ATP6V0A2: variants seen among roughly 807,000 people sequenced by gnomAD.
The protein encoded by ATP6V0A2 is V-type proton ATPase 116 kDa subunit a 2.
Under a neutral mutation model 104.4 loss-of-function variants are expected in ATP6V0A2, and 58 were observed. The ratio of observed to expected loss-of-function variants is 0.56; its 90% CI spans 0.45 to 0.69. The LOEUF (loss-of-function observed/expected upper bound fraction) is 0.69, where lower values mean the gene tolerates loss of function less well. Among genes scored for constraint, ATP6V0A2 ranks in the 30% least tolerant of loss-of-function variants. The pLI is 0.00. For synonymous variants in ATP6V0A2, 376 were observed against 397.9 expected, an observed-to-expected ratio of 0.95 and a Z score of 0.65; for missense variants, 938 against 1,062.9, an observed-to-expected ratio of 0.88 and a Z score of 1.63.
chr12:123,718,321 C>A (rs955851863), intron 1 of ATP6V0A2, among the ~76,000 whole-genome samples: 2 of 152,010 alleles, frequency 1.3e-5, no homozygotes, highest in African/African-American at 4.8e-5. Context: ...AACTCCCGAC[C>A]TCAAGTGATC....
Position 123,747,369 on chromosome 12 carries a change from A to G in ATP6V0A2, c.1606-238A>G, listed in dbSNP as rs963850129. Among the ~76,000 whole-genome samples, 15 of 152,166 alleles carry G rather than the reference A, an allele frequency of 9.9e-5. No homozygotes were observed. The East Asian group carries it at 2.7e-3, about 27-fold the overall frequency. On this transcript the variant is annotated intron_variant, in intron 13 of 19. Coordinates refer to ENST00000330342, the MANE Select transcript of ATP6V0A2 (RefSeq NM_012463.4). ...TCCTAGGCACATCTCCCTAAACGCT[A>G]TGTGGTTCCATCTGGCACCCTTTGA...
intron 3 of ATP6V0A2, chr12:123,723,698 A>G (rs1277767657): frequency 6.6e-6 from 1 of 152,082 alleles, no homozygotes; most frequent in African/African-American, 2.4e-5. Flanking sequence ...TGACCTCGTG[A>G]TCCACCCACC....
intron 17 of ATP6V0A2, among the ~76,000 whole-genome samples, chr12:123,753,219 C>T (rs183923303): frequency 2.0e-5 from 3 of 147,860 alleles, no homozygotes; most frequent in African/African-American, 7.5e-5. Context: ...TCTCCCTTAC[C>T]AGTGACCACT....
chr12:123,752,477 A>G (rs1956725778), intron 17 of ATP6V0A2, 75 bp downstream of exon 17: 1 of 1,558,350 alleles, frequency 6.4e-7, no homozygotes, highest in Non-Finnish European at 8.8e-7. Flanking sequence ...TGTTAAGATA[A>G]TATTTAATCA....
chr12:123,737,033 T>G (rs372591297), intron 8 of ATP6V0A2, 26 bp from the exon 9 acceptor site: 2 of 1,612,082 alleles, frequency 1.2e-6, no homozygotes, highest in African/African-American at 2.7e-5. Flanking sequence ...CCCACTCCAC[T>G]GAAAGCCCCT....
chr12:123,744,398 G>C lies in ATP6V0A2; in HGVS notation c.1326+61G>C, dbSNP rs1956639452. On this transcript the variant is annotated intron_variant, in intron 11 of 19. Coordinates refer to ENST00000330342, the MANE Select transcript of ATP6V0A2 (RefSeq NM_012463.4). The surrounding 1 kb of genome is among the most constrained non-coding windows in gnomAD (Gnocchi z 5.4). ...TAGGTGGCATTAGCAGTGACCGAAA[G>C]AGAGACACCTCTTAGATGTTTGCTG... is the stretch of plus-strand genomic sequence containing the variant. 15 of 1,607,592 alleles carry C rather than the reference G, an allele frequency of 9.3e-6. No individual in the cohort carries two copies. The South Asian group carries it at 1.7e-4, about 18-fold the overall frequency.
At chr12:123,745,008 CT>C in intron 13 of ATP6V0A2, 36 bp downstream of exon 13, 1 of 1,590,318 alleles carries the variant, frequency 6.3e-7, no homozygotes, top group Middle Eastern at 1.7e-4. Flanking sequence ...TCTCTGGATG[CT>C]CTGTGGTGCC....
At chr12:123,748,386 T>C (rs535899341) in intron 14 of ATP6V0A2, among the ~76,000 whole-genome samples, 189 bp from the exon 15 acceptor site, 1 of 152,336 alleles carries the variant, frequency 6.6e-6, no homozygotes, top group African/African-American at 2.4e-5. Context: ...AAAACTGTAG[T>C]AGTTTTGGCC....
chr12:123,731,482 T>C (rs1956501155), intron 6 of ATP6V0A2: 1 of 152,316 alleles, frequency 6.6e-6, no homozygotes, highest in Admixed American at 6.5e-5. Flanking sequence ...TTTTCTGTTG[T>C]GTGTGGCATT....
intron 9 of ATP6V0A2, 189 bp downstream of exon 9, chr12:123,737,460 G>A (rs1956566840): frequency 6.2e-6 from 4 of 648,910 alleles, no homozygotes; most frequent in Non-Finnish European, 1.1e-5. Flanking sequence ...TGTTGCCCAG[G>A]CTGGTCTCAA....
In ATP6V0A2 at chr12:123,724,721, A is replaced by G. The variant is rs925809255; in HGVS notation, c.362A>G (p.Asn121Ser). The change falls in exon 4 of 20, where the codon AAC becomes AGC. Residue 121 changes from asparagine (N) to serine (S), a missense_variant. Physicochemically the swap from Asn to Ser is conservative, Grantham distance 46. Coordinates refer to ENST00000330342, the MANE Select transcript of ATP6V0A2 (RefSeq NM_012463.4). Reference protein sequence around the residue: ...VTKNKEKLRKNLLELIEYTHM... With the variant: ...VTKNKEKLRKSLLELIEYTHM... ...AAGAACAAGGAGAAACTGAGGAAAA[A>G]CTTGCTGGAACTGATAGAGTACACT... The G allele has an allele frequency of 6.2e-7, 1 of 1,613,654 alleles. No homozygotes were observed. The highest frequency in any genetic ancestry group is 8.5e-7 in the Non-Finnish European group (1 of 1,179,874).
Position 123,754,535 on chromosome 12 carries a change from C to A in ATP6V0A2, c.2291C>A (p.Ala764Glu). ...CTCTGGGCGCTTAGCCTGGCTCACG[C>A]ACGTAAGTTCCTGCTTAGACCTGCA... ...LRLWALSLAH[A>E]QLSDVLWAML... The change falls in exon 18 of 20, where the codon GCA (alanine) becomes GAA (glutamate). Residue 764 changes from alanine (A) to glutamate (E), a missense_variant and splice_region_variant. Transcript: ENST00000330342. 1.9e-6 allele frequency: 3 copies of A among 1,611,972 alleles called. No homozygotes were observed. The highest frequency in any genetic ancestry group is 1.3e-5 in the African/African-American group (1 of 75,010).
intron 19 of ATP6V0A2, 137 bp from the exon 20 acceptor site, chr12:123,757,790 A>T: frequency 1.5e-6 from 1 of 656,340 alleles, no homozygotes. Context: ...TTAGCTAAGT[A>T]AAAATATATG....
At chr12:123,746,229 G>A (rs938620230) in intron 13 of ATP6V0A2, among the ~76,000 whole-genome samples, 4 of 151,570 alleles carry the variant, frequency 2.6e-5, no homozygotes, top group Admixed American at 6.6e-5. Flanking sequence ...ATTGGGGTAT[G>A]GTTTTGTCTT....
intron 8 of ATP6V0A2, among the ~76,000 whole-genome samples, chr12:123,736,743 T>TC (rs1183292028): frequency 5.9e-5 from 9 of 152,096 alleles, no homozygotes; most frequent in African/African-American, 2.2e-4. Context: ...GCTTGCTGGA[T>TC]CCTGGTAGGC....
chr12:123,717,044 G>C (rs1593882266), intron 1 of ATP6V0A2, among the ~76,000 whole-genome samples: 1 of 152,150 alleles, frequency 6.6e-6, no homozygotes, highest in Non-Finnish European at 1.5e-5. Context: ...GGTGGGCGTG[G>C]TGGCTCACGC....
chr12:123,716,513 G>A (rs970271325), intron 1 of ATP6V0A2, among the ~76,000 whole-genome samples: 6 of 152,154 alleles, frequency 3.9e-5, no homozygotes, highest in African/African-American at 7.2e-5. Flanking sequence ...TATGGAGGCC[G>A]GGTGCAGTGG....
intron 15 of ATP6V0A2, chr12:123,750,006 T>C (rs1326587062): frequency 1.3e-5 from 2 of 152,244 alleles, no homozygotes; most frequent in African/African-American, 4.8e-5. Flanking sequence ...GTTTCTGTTT[T>C]TTTTTGGTTT....
intron 1 of ATP6V0A2, among the ~76,000 whole-genome samples, chr12:123,717,048 C>T (rs914520065): frequency 1.3e-5 from 2 of 152,118 alleles, no homozygotes; most frequent in Admixed American, 6.5e-5. Context: ...GGCGTGGTGG[C>T]TCACGCCTGT....
Sources: allele counts gnomAD v4.1 joint callset (sites outside exome capture counted in the v4.1 genomes callset), GRCh38; gene constraint gnomAD v4.1.1; non-coding constraint Gnocchi (gnomAD v3.1); transcripts MANE v1.5; gene names NCBI Gene and HGNC (gene_info 2026-07-23, HGNC 2026-07-21).